The following ADARB1 variants were observed in gnomAD, a reference collection of about 807,000 sequenced individuals.
ADARB1 encodes adenosine deaminase RNA specific B1.
In ADARB1, 10 loss-of-function variants were observed where a neutral mutation model predicts 52.4. The ratio of observed to expected loss-of-function variants is 0.19; its 90% CI spans 0.12 to 0.32. The LOEUF is 0.32. Among genes scored for constraint, ADARB1 ranks in the 10% least tolerant of loss-of-function variants. ADARB1 has a pLI of 1.00. For missense variants in ADARB1, 643 were observed against 922.3 expected (o/e 0.70, Z 3.92); for synonymous variants, 349 against 371.1 (o/e 0.94, Z 0.68).
chr21:45,160,445 T>G (rs1345127263), intron 2 of ADARB1, among the ~76,000 whole-genome samples: 1 of 152,388 alleles, frequency 6.6e-6, no homozygotes, highest in Non-Finnish European at 1.5e-5. Flanking sequence ...CCATGCACAT[T>G]TGTAACGCTC....
At position 45,184,946 on chromosome 21, in the gene ADARB1, C is replaced by T. The variant is rs918813031; in HGVS notation, c.1420C>T (p.Arg474Cys). ...AGAACCAGCAGATAGACACCCAAATCGTAAAGCAAGAGGACAGCTACGGAC... is the reference window on the plus strand; with the variant it reads ...AGAACCAGCAGATAGACACCCAAATTGTAAAGCAAGAGGACAGCTACGGAC... ...LEEPADRHPNRKARGQLRTKI... is the reference protein window; with the variant it reads ...LEEPADRHPNCKARGQLRTKI... Residue 474 changes from arginine to cysteine, a missense_variant, in exon 8 of 11, where the codon CGT becomes TGT. By Grantham distance (180) the Arg-to-Cys change is radical (BLOSUM62 -3). Around this residue, in one of 2 missense-constraint regions of ADARB1, gnomAD observed 263 missense variants for 475.8 expected, o/e 0.55. Transcript: ENST00000348831. 2.5e-6 allele frequency: 4 copies of T among 1,612,960 alleles called. No homozygotes were observed. Among genetic ancestry groups the T allele is most frequent in the African/African-American group, 1.3e-5 (1 of 75,026 alleles).
intron 1 of ADARB1, among the ~76,000 whole-genome samples, chr21:45,085,967 T>G (rs1362995632): frequency 6.6e-6 from 1 of 152,230 alleles, no homozygotes; most frequent in Admixed American, 6.5e-5. Flanking sequence ...AAGAAGTGCC[T>G]GATAGATTTT....
intron 8 of ADARB1, among the ~76,000 whole-genome samples, chr21:45,190,791 C>T (rs1232573887): frequency 2.0e-5 from 3 of 152,228 alleles, no homozygotes; most frequent in African/African-American, 7.2e-5. Flanking sequence ...AAGACAGAAA[C>T]CAGCCCTTTG....
Position 45,224,144 on chromosome 21 carries a change from T to G in ADARB1, c.*1947T>G, listed in dbSNP as rs896233135. The G allele has an allele frequency of 6.4e-5, 63 of 985,332 alleles. No homozygotes were observed. Among genetic ancestry groups the G allele is most frequent in the Non-Finnish European group, 6.6e-5 (55 of 829,948 alleles). The allele number at this position is 985,332 out of a possible 1,614,324, so 61.0% of individuals were successfully genotyped here. ...GTGCATTTTTATTGTCTTGATAAAT[T>G]GTATTTTTTTCTAATGGGGATTGGG... On this transcript the variant is annotated 3_prime_UTR_variant, in exon 11 of 11. Coordinates refer to ENST00000348831, the MANE Select transcript of ADARB1 (RefSeq NM_001112.4).
chr21:45,153,627 C>CA (rs1380070857), intron 2 of ADARB1, among the ~76,000 whole-genome samples: 2 of 152,190 alleles, frequency 1.3e-5, no homozygotes, highest in African/African-American at 4.8e-5. Flanking sequence ...AGATGAATCT[C>CA]AAAGTCAGCA....
chr21:45,136,598 G>A (rs1244266754), intron 2 of ADARB1, among the ~76,000 whole-genome samples: 4 of 152,216 alleles, frequency 2.6e-5, no homozygotes, highest in Non-Finnish European at 5.9e-5. Context: ...CGAGGCCTGG[G>A]GACAAATGTG....
intron 9 of ADARB1, among the ~76,000 whole-genome samples, chr21:45,212,037 T>C (rs1249277420): frequency 1.4e-5 from 2 of 144,978 alleles, no homozygotes; most frequent in African/African-American, 5.1e-5. Context: ...AAAAAATATT[T>C]TGTACTATTG....
chr21:45,168,497 G>T, intron 2 of ADARB1, among the ~76,000 whole-genome samples: 1 of 152,318 alleles, frequency 6.6e-6, no homozygotes, highest in East Asian at 1.9e-4. Context: ...TTTGAATAAG[G>T]TAGGAGACCT....
intron 2 of ADARB1, among the ~76,000 whole-genome samples, chr21:45,153,462 C>T (rs555038475): frequency 6.6e-5 from 10 of 152,144 alleles, no homozygotes; most frequent in Admixed American, 5.9e-4. Flanking sequence ...TCTGTGTCTT[C>T]TGGGCGCCCC....
intron 2 of ADARB1, among the ~76,000 whole-genome samples, chr21:45,132,941 A>T (rs1000176583): frequency 1.3e-5 from 2 of 152,188 alleles, no homozygotes; most frequent in Admixed American, 1.3e-4. Context: ...CCATAAAAGA[A>T]AATACCGACA....
intron 8 of ADARB1, among the ~76,000 whole-genome samples, chr21:45,202,364 G>A (rs2092573704): frequency 6.6e-6 from 1 of 152,166 alleles, no homozygotes; most frequent in Non-Finnish European, 1.5e-5. Context: ...GTCAGTGCTG[G>A]GGCATATCCA....
At chr21:45,129,693 G>A (rs1252547927) in intron 2 of ADARB1, among the ~76,000 whole-genome samples, 1 of 152,170 alleles carries the variant, frequency 6.6e-6, no homozygotes, top group Non-Finnish European at 1.5e-5. Context: ...CGTGAGTGTG[G>A]ACAGATGGGA....
intron 2 of ADARB1, among the ~76,000 whole-genome samples, chr21:45,141,135 G>T (rs999190212): frequency 2.0e-5 from 3 of 152,140 alleles, no homozygotes; most frequent in Admixed American, 6.5e-5. Context: ...GAGACGGGTG[G>T]CAATGAGCCA....
chr21:45,202,682 G>A (rs764379120), intron 8 of ADARB1, among the ~76,000 whole-genome samples: 2 of 152,152 alleles, frequency 1.3e-5, no homozygotes, highest in South Asian at 2.1e-4. Flanking sequence ...CTGCCCAGTC[G>A]ACCTTCATTT....
In ADARB1 at chr21:45,172,325, G is replaced by A. The variant is rs148828527; in HGVS notation, c.28+641G>A. On this transcript the variant is annotated intron_variant, in intron 3 of 10. Coordinates refer to ENST00000348831, the MANE Select transcript of ADARB1 (RefSeq NM_001112.4). The surrounding 1 kb of genome is among the most constrained non-coding windows in gnomAD (Gnocchi z 4.4). ...AGAAAACAGGTTTAGATGCTTCCAC[G>A]GAAGTTGGGAGAGTTTAGTAGAGAA... Among the ~76,000 whole-genome samples the A allele has an allele frequency of 3.3e-5, 5 of 152,234 alleles. No homozygotes were observed. The highest frequency in any genetic ancestry group is 7.4e-5 in the Non-Finnish European group (5 of 68,004).
At chr21:45,124,787 A>ATGTGTGTGTGTG (rs56113860) in intron 1 of ADARB1, among the ~76,000 whole-genome samples, 211 of 135,806 alleles carry the variant, frequency 1.6e-3, no homozygotes, top group South Asian at 4.5e-3. Context: ...GTGTGTGTGT[A>ATGTGTGTGTGTG]TGTGTGTGTG....
chr21:45,160,467 T>C (rs532230982), intron 2 of ADARB1, among the ~76,000 whole-genome samples: 1 of 152,284 alleles, frequency 6.6e-6, no homozygotes, highest in Non-Finnish European at 1.5e-5. Context: ...CCATGCTCTC[T>C]GATTCAGCTT....
chr21:45,152,172 A>G (rs757919067), intron 2 of ADARB1, among the ~76,000 whole-genome samples: 7 of 152,194 alleles, frequency 4.6e-5, no homozygotes, highest in Non-Finnish European at 8.8e-5. Flanking sequence ...GTTGTGTGGT[A>G]GCCTGTTACT....
At chr21:45,160,857 C>T (rs986033947) in intron 2 of ADARB1, among the ~76,000 whole-genome samples, 1 of 152,096 alleles carries the variant, frequency 6.6e-6, no homozygotes, top group African/African-American at 2.4e-5. Context: ...GTTAAGTAAT[C>T]GACTTACATA....
Sources: allele counts gnomAD v4.1 joint callset (sites outside exome capture counted in the v4.1 genomes callset), GRCh38; gene constraint gnomAD v4.1.1; regional missense constraint gnomAD v4.1.1; non-coding constraint Gnocchi (gnomAD v3.1); transcripts MANE v1.5; gene names NCBI Gene and HGNC (gene_info 2026-07-23, HGNC 2026-07-21).